Variants in NXPE2 observed in about 807,000 individuals in gnomAD.
NXPE2 encodes neurexophilin and PC-esterase domain family member 2.
NXPE2 carries 34 observed loss-of-function variants against 34.4 expected under a neutral mutation model. The ratio of observed to expected loss-of-function variants is 0.99; its 90% confidence interval spans 0.75 to 1.31. NXPE2 has a LOEUF of 1.31. NXPE2 is among the 40% of genes most tolerant of loss of function. NXPE2 has a pLI of 0.00. For synonymous variants in NXPE2, 235 were observed against 231.3 expected, an observed-to-expected ratio of 1.02 and a Z score of -0.15; for missense variants, 649 against 672.5, an observed-to-expected ratio of 0.97 and a Z score of 0.39.
At chr11:114,804,251 G>A in the NXPE2 span, among the ~76,000 whole-genome samples, 2 of 152,196 alleles carry the variant, frequency 1.3e-5, no homozygotes, top group Non-Finnish European at 2.9e-5. Flanking sequence ...CCCATAGTCT[G>A]TACTGGAGAG....
chr11:114,622,594 C>G, the NXPE2 span, among the ~76,000 whole-genome samples: 2 of 140,078 alleles, frequency 1.4e-5, no homozygotes, highest in African/African-American at 5.4e-5. Flanking sequence ...GGGTAATAAG[C>G]ATTACCTCGT....
the NXPE2 span, among the ~76,000 whole-genome samples, chr11:114,488,076 T>C: frequency 6.6e-6 from 1 of 151,764 alleles, no homozygotes; most frequent in Admixed American, 6.6e-5. Flanking sequence ...ATGAGTAAGA[T>C]TGCTATTCAT....
chr11:114,751,314 T>C, the NXPE2 span, among the ~76,000 whole-genome samples: 1 of 152,212 alleles, frequency 6.6e-6, no homozygotes. Flanking sequence ...ACACCATTCG[T>C]TGGTTGATTC....
the NXPE2 span, among the ~76,000 whole-genome samples, chr11:114,612,502 A>T: frequency 6.6e-6 from 1 of 151,748 alleles, no homozygotes; most frequent in African/African-American, 2.4e-5. Flanking sequence ...GCTGGATAAT[A>T]AGTGTTTCCT....
chr11:114,602,412 G>A, the NXPE2 span, among the ~76,000 whole-genome samples: 129,672 of 129,672 alleles, frequency 1, 64,836 homozygotes, highest in Non-Finnish European at 1. Flanking sequence ...ATACACTATT[G>A]AACATATCAA....
At chr11:114,499,543 A>G in the NXPE2 span, among the ~76,000 whole-genome samples, 2 of 152,170 alleles carry the variant, frequency 1.3e-5, no homozygotes, top group Non-Finnish European at 2.9e-5. Flanking sequence ...CTGTAACTGC[A>G]TTTTTAAGCT....
At chr11:114,612,730 C>G in the NXPE2 span, among the ~76,000 whole-genome samples, 1 of 151,702 alleles carries the variant, frequency 6.6e-6, no homozygotes, top group Non-Finnish European at 1.5e-5. Context: ...TCGTGGGTAA[C>G]CACTGTTACC....
At chr11:114,622,921 A>G in the NXPE2 span, among the ~76,000 whole-genome samples, 1 of 152,160 alleles carries the variant, frequency 6.6e-6, no homozygotes, top group African/African-American at 2.4e-5. Context: ...CCTGTGGATA[A>G]TACGTATTGC....
At chr11:114,799,687 G>A in the NXPE2 span, among the ~76,000 whole-genome samples, 37 of 152,324 alleles carry the variant, frequency 2.4e-4, 1 homozygote, top group African/African-American at 5.5e-4. Flanking sequence ...GGCTGCACCC[G>A]TTTAAACAGC....
the NXPE2 span, among the ~76,000 whole-genome samples, chr11:114,766,535 ACT>A: frequency 6.6e-6 from 1 of 150,808 alleles, no homozygotes; most frequent in Non-Finnish European, 1.5e-5. Flanking sequence ...TTATTCCCAC[ACT>A]TTCCCTTTTT....
the NXPE2 span, among the ~76,000 whole-genome samples, chr11:114,602,438 T>C: frequency 7.5e-6 from 1 of 133,620 alleles, no homozygotes; most frequent in African/African-American, 2.7e-5. Context: ...GTAATTATAA[T>C]ATATAATATA....
chr11:114,685,367 G>A (rs1164831499), intron 2 of NXPE2, among the ~76,000 whole-genome samples: 3 of 152,098 alleles, frequency 2.0e-5, no homozygotes. Context: ...TCATGGATGG[G>A]TATCTTTTCA....
the NXPE2 span, among the ~76,000 whole-genome samples, chr11:114,791,058 C>T: frequency 6.6e-6 from 1 of 151,780 alleles, no homozygotes. Context: ...GAGAACAAAC[C>T]CTGCATATGC....
At position 114,679,737 on chromosome 11, in the gene NXPE2, A is replaced by G; in HGVS notation, c.107A>G (p.Tyr36Cys). 6.5e-7 allele frequency: 1 copy of G among 1,549,882 alleles called. No individual in the cohort carries two copies. Among genetic ancestry groups the G allele is most frequent in the Non-Finnish European group, 8.7e-7 (1 of 1,145,506 alleles). ...LTFILIFWII[Y>C]LASKDHTKFS... ...TTTATCTTAATTTTCTGGATCATTT[A>G]CTTGGCTTCAAAAGACCACACAAAG... is the stretch of plus-strand genomic sequence containing the variant. The change falls in exon 2 of 6, where the codon TAC becomes TGC. Residue 36 changes from tyrosine to cysteine, a missense_variant. Physicochemically the swap from Tyr to Cys is radical, Grantham distance 194. Coordinates refer to ENST00000389586, the MANE Select transcript of NXPE2 (RefSeq NM_182495.6).
chr11:114,788,497 G>T, the NXPE2 span, among the ~76,000 whole-genome samples: 1 of 152,226 alleles, frequency 6.6e-6, no homozygotes, highest in African/African-American at 2.4e-5. Context: ...TTCCCAGCAA[G>T]AAGGACCACC....
chr11:114,598,015 G>A, the NXPE2 span, among the ~76,000 whole-genome samples: 1 of 152,098 alleles, frequency 6.6e-6, no homozygotes, highest in Non-Finnish European at 1.5e-5. Flanking sequence ...TTCCACCTAT[G>A]AGCCTGTAAA....
the NXPE2 span, among the ~76,000 whole-genome samples, chr11:114,717,253 T>C: frequency 8.5e-5 from 13 of 152,154 alleles, no homozygotes; most frequent in African/African-American, 3.1e-4. Context: ...ATCCCAGTGG[T>C]GTGCAGATGA....
the NXPE2 span, among the ~76,000 whole-genome samples, chr11:114,630,194 A>G: frequency 6.6e-6 from 1 of 151,792 alleles, no homozygotes; most frequent in Non-Finnish European, 1.5e-5. Flanking sequence ...TATGGAACCA[A>G]AAAAGAGCCC....
At chr11:114,698,856 A>G (rs1032838212) in intron 3 of NXPE2, 78 bp downstream of exon 3, 1 of 1,319,388 alleles carries the variant, frequency 7.6e-7, no homozygotes, top group Non-Finnish European at 1.0e-6. Context: ...TGCCTAATCA[A>G]ACTTTTGTAT....
Sources: gnomAD v4.1 joint callset for allele counts (sites outside exome capture counted in the v4.1 genomes callset) on GRCh38, gnomAD v4.1.1 for gene constraint, MANE v1.5 for transcripts, NCBI Gene and HGNC (gene_info 2026-07-23, HGNC 2026-07-21) for gene names.